L3MBTL3: variants seen among roughly 807,000 people sequenced by gnomAD.
The protein encoded by L3MBTL3 is lethal(3)malignant brain tumor-like protein 3.
Under a neutral mutation model 102.3 loss-of-function variants are expected in L3MBTL3, and 27 were observed. The ratio of observed to expected loss-of-function variants is 0.26; its 90% CI spans 0.19 to 0.36. The LOEUF is 0.36. Ranked by LOEUF, L3MBTL3 falls within the 10% of genes least tolerant of loss-of-function variation. L3MBTL3 has a pLI of 1.00. For synonymous variants in L3MBTL3, 340 were observed against 320.9 expected (o/e 1.06, Z -0.64); for missense variants, 798 against 955.3 (o/e 0.84, Z 2.17).
At chr6:130,094,114 A>G (rs890523412) in intron 17 of L3MBTL3, 151 bp from the exon 18 acceptor site, 4 of 494,604 alleles carry the variant, frequency 8.1e-6, no homozygotes, top group Non-Finnish European at 1.4e-5. Flanking sequence ...TTTCATTTTT[A>G]TAGGATCTAC....
At chr6:130,108,786 A>G (rs952224303) in intron 19 of L3MBTL3, among the ~76,000 whole-genome samples, 1 of 152,032 alleles carries the variant, frequency 6.6e-6, no homozygotes, top group African/African-American at 2.4e-5. Context: ...TGCTGCACCT[A>G]TCAACCTATC....
At chr6:130,045,857 G>A (rs1019323326) in intron 3 of L3MBTL3, among the ~76,000 whole-genome samples, 2 of 152,326 alleles carry the variant, frequency 1.3e-5, no homozygotes, top group African/African-American at 4.8e-5. Flanking sequence ...AGAAGGTACA[G>A]AGTGTTAAGG....
chr6:130,079,467 C>T (rs916027868), intron 14 of L3MBTL3, among the ~76,000 whole-genome samples: 11 of 152,090 alleles, frequency 7.2e-5, no homozygotes, highest in African/African-American at 1.7e-4. Context: ...ACAGATTCTG[C>T]GGTTTCTTCA....
intron 19 of L3MBTL3, among the ~76,000 whole-genome samples, chr6:130,107,689 T>C (rs1461387553): frequency 6.6e-6 from 1 of 152,258 alleles, no homozygotes; most frequent in Non-Finnish European, 1.5e-5. Flanking sequence ...CCTGAGCAAA[T>C]GCTGTCAGTG....
In L3MBTL3 at chr6:130,041,684, G is replaced by A. The variant is rs1780429528; in HGVS notation, c.-15-1001G>A. On this transcript the variant is annotated intron_variant, in intron 2 of 22. Transcript: ENST00000361794. The stretch of plus-strand genomic sequence containing the variant: ...TTTGCCTTTCTTTGGCCAGAAGAAA[G>A]GGGCCAGAAGAAGGGGCCTATTCAG... Among the ~76,000 whole-genome samples, 6 of 152,226 alleles carry A rather than the reference G, an allele frequency of 3.9e-5. No homozygotes were observed. The South Asian group carries it at 1.2e-3, about 32-fold the overall frequency.
Position 130,083,649 on chromosome 6 carries a change from G to A in L3MBTL3, c.1351G>A (p.Asp451Asn). ...TCCAAATGTGAAACATTTTTCTTGG[G>A]ATAAATACTTAGAAGAAACCAATTC... ...GYPNVKHFSW[D>N]KYLEETNSLP... Residue 451 changes from aspartate (D) to asparagine (N), a missense_variant, in exon 15 of 23, where the codon GAT (aspartate) becomes AAT (asparagine). By Grantham distance (23) the Asp-to-Asn change is conservative. This residue lies in a region of L3MBTL3 where 306 missense variants were observed against 314.4 expected (regional missense o/e 0.97). Transcript: ENST00000361794. The A allele has an allele frequency of 6.5e-7, 1 of 1,542,238 alleles. No homozygotes were observed. Among genetic ancestry groups the A allele is most frequent in the South Asian group, 1.2e-5 (1 of 82,036 alleles).
intron 13 of L3MBTL3, among the ~76,000 whole-genome samples, chr6:130,077,910 T>G (rs1443386205): frequency 1.3e-5 from 2 of 152,138 alleles, no homozygotes; most frequent in Non-Finnish European, 2.9e-5. Context: ...GGCTGAAACA[T>G]GTTGCATTTT....
At chr6:130,062,530 C>T (rs1214553771) in intron 10 of L3MBTL3, among the ~76,000 whole-genome samples, 2 of 149,440 alleles carry the variant, frequency 1.3e-5, no homozygotes, top group African/African-American at 2.5e-5. Flanking sequence ...GGACCACAGG[C>T]GTGTACCACC....
At chr6:130,093,858 G>A (rs1030942709) in intron 17 of L3MBTL3, among the ~76,000 whole-genome samples, 1 of 152,312 alleles carries the variant, frequency 6.6e-6, no homozygotes, top group Admixed American at 6.5e-5. Flanking sequence ...ATCTGGAACT[G>A]TCATTCTGGA....
At chr6:130,021,012 C>T (rs1232767603) in intron 1 of L3MBTL3, among the ~76,000 whole-genome samples, 1 of 151,906 alleles carries the variant, frequency 6.6e-6, no homozygotes, top group Non-Finnish European at 1.5e-5. Flanking sequence ...GGGGCGAGTG[C>T]GTCCAGTTCT....
At chr6:130,082,018 A>G (rs998400616) in intron 14 of L3MBTL3, among the ~76,000 whole-genome samples, 5 of 152,198 alleles carry the variant, frequency 3.3e-5, no homozygotes, top group African/African-American at 1.2e-4. Flanking sequence ...TGATCATACG[A>G]AGACTGTGCA....
At chr6:130,071,836 G>A (rs1303061886) in intron 13 of L3MBTL3, among the ~76,000 whole-genome samples, 2 of 151,902 alleles carry the variant, frequency 1.3e-5, no homozygotes, top group East Asian at 1.9e-4. Context: ...TAATTTTTTA[G>A]TATCCATATA....
intron 3 of L3MBTL3, among the ~76,000 whole-genome samples, chr6:130,046,604 C>T (rs1780738180): frequency 6.6e-6 from 1 of 152,164 alleles, no homozygotes. Context: ...CTGGATATAT[C>T]CACATGCAGA....
intron 20 of L3MBTL3, among the ~76,000 whole-genome samples, chr6:130,124,127 C>T (rs1407271308): frequency 1.3e-5 from 2 of 152,118 alleles, no homozygotes; most frequent in Non-Finnish European, 2.9e-5. Context: ...TCGGAGTTAT[C>T]CCAAATTCAG....
chr6:130,109,602 C>T (rs1048053310), intron 19 of L3MBTL3, among the ~76,000 whole-genome samples: 41 of 151,994 alleles, frequency 2.7e-4, no homozygotes, highest in Admixed American at 2.6e-3. Flanking sequence ...GATTCTGGAT[C>T]TTAGACCTTT....
At chr6:130,099,911 C>T (rs924257605) in intron 18 of L3MBTL3, among the ~76,000 whole-genome samples, 1 of 152,164 alleles carries the variant, frequency 6.6e-6, no homozygotes, top group African/African-American at 2.4e-5. Context: ...AGCACACAAT[C>T]CATGTTAGTT....
At chr6:130,056,478 T>C (rs949424531) in intron 8 of L3MBTL3, among the ~76,000 whole-genome samples, 1 of 152,204 alleles carries the variant, frequency 6.6e-6, no homozygotes, top group South Asian at 2.1e-4. Context: ...CAGGTGCTTC[T>C]CCTCAGTGCC....
At position 130,051,178 on chromosome 6, in the gene L3MBTL3, A is replaced by G. The variant is rs2114779130; in HGVS notation, c.290-71A>G. ...TGTTGCTAACAAAATTATTAGAAGAAAAAGTTTGATTGTATTTTAGAATGT... is the reference window on the plus strand; with the variant it reads ...TGTTGCTAACAAAATTATTAGAAGAGAAAGTTTGATTGTATTTTAGAATGT... On this transcript the variant is annotated intron_variant, in intron 5 of 22. Transcript: ENST00000361794. The G allele has an allele frequency of 2.3e-6, 3 of 1,308,222 alleles. No individual in the cohort carries two copies. The East Asian group carries it at 7.0e-5, about 31-fold the overall frequency. 81.0% of individuals were successfully genotyped at this position (1,308,222 alleles called of 1,614,324 possible). A position where few individuals can be genotyped will look rare whatever the true frequency, so the allele number is the denominator to read the frequency against.
intron 7 of L3MBTL3, 47 bp from the exon 8 acceptor site, chr6:130,055,123 TG>T: frequency 7.2e-7 from 1 of 1,395,592 alleles, no homozygotes; most frequent in Non-Finnish European, 1.0e-6. Flanking sequence ...TATTCACTGG[TG>T]CCAATTTCTT....
Sources: gnomAD v4.1 joint callset for allele counts (sites outside exome capture counted in the v4.1 genomes callset) on GRCh38, gnomAD v4.1.1 for gene constraint, gnomAD v4.1.1 regional missense constraint, MANE v1.5 for transcripts, NCBI Gene and HGNC (gene_info 2026-07-23, HGNC 2026-07-21) for gene names.